PTPRM: variants seen among roughly 807,000 people sequenced by gnomAD.
The protein encoded by PTPRM is receptor-type tyrosine-protein phosphatase mu.
A neutral mutation model predicts 186.7 loss-of-function variants in PTPRM; 47 were observed. The observed-to-expected ratio is 0.25, with a 90% confidence interval of 0.20 to 0.32. The LOEUF (loss-of-function observed/expected upper bound fraction) is 0.32, where lower values mean the gene tolerates loss of function less well. Among genes scored for constraint, PTPRM ranks in the 10% least tolerant of loss-of-function variants. The pLI, the probability that PTPRM is intolerant of heterozygous loss-of-function variation, is 1.00. For synonymous variants in PTPRM, 668 were observed against 674.9 expected (o/e 0.99, Z 0.16); for missense variants, 1,494 against 1,865.0 (o/e 0.80, Z 3.66).
At chr18:7,810,503 T>C (rs1441182765) in intron 2 of PTPRM, among the ~76,000 whole-genome samples, 2 of 152,112 alleles carry the variant, frequency 1.3e-5, no homozygotes, top group African/African-American at 4.8e-5. Flanking sequence ...TTGTAAGCAG[T>C]GGATGTATGC....
In PTPRM at chr18:7,820,656, A is replaced by G. The variant is rs76391336; in HGVS notation, c.196+46385A>G. Among the ~76,000 whole-genome samples the G allele has an allele frequency of 2.3e-3, 343 of 152,036 alleles. 3 individuals are homozygous for G. Among genetic ancestry groups the G allele is most frequent in the Non-Finnish European group, 3.4e-3 (234 of 67,976 alleles). ...AGAGCCTCGCCTCTTCAGTTCAGAAATGTTTCCCTGGAAGGTTCCAGGCCT... is the reference window on the plus strand; with the variant it reads ...AGAGCCTCGCCTCTTCAGTTCAGAAGTGTTTCCCTGGAAGGTTCCAGGCCT... On this transcript the variant is annotated intron_variant, in intron 2 of 32. Transcript: ENST00000580170.
chr18:7,669,145 G>A (rs1045583712), intron 1 of PTPRM, among the ~76,000 whole-genome samples: 2 of 152,088 alleles, frequency 1.3e-5, no homozygotes, highest in African/African-American at 4.8e-5. Context: ...ACCTAGGAAA[G>A]AAAGGGCAGG....
At chr18:7,862,306 T>C (rs1292106952) in intron 2 of PTPRM, among the ~76,000 whole-genome samples, 1 of 152,206 alleles carries the variant, frequency 6.6e-6, no homozygotes. Context: ...ATGTAACATG[T>C]TGATGTGAAG....
intron 19 of PTPRM, among the ~76,000 whole-genome samples, chr18:8,253,793 G>A (rs562575440): frequency 6.6e-5 from 10 of 152,290 alleles, no homozygotes; most frequent in African/African-American, 2.2e-4. Flanking sequence ...AGTAAAACTT[G>A]TTACCAAGAA....
chr18:7,907,013 A>T (rs961286386), intron 4 of PTPRM, among the ~76,000 whole-genome samples: 2 of 152,142 alleles, frequency 1.3e-5, no homozygotes, highest in Non-Finnish European at 2.9e-5. Context: ...CAGGCCTGGG[A>T]TCTGTCAAAT....
chr18:7,574,698 T>G (rs1232688619), intron 1 of PTPRM, among the ~76,000 whole-genome samples: 1 of 152,250 alleles, frequency 6.6e-6, no homozygotes, highest in East Asian at 1.9e-4. Context: ...TGTGAAACTT[T>G]GCCTTTGGCA....
intron 9 of PTPRM, among the ~76,000 whole-genome samples, chr18:8,083,541 C>T (rs1424434790): frequency 6.6e-6 from 1 of 152,098 alleles, no homozygotes; most frequent in African/African-American, 2.4e-5. Context: ...TGACAGTTCT[C>T]CTTATTTTAG....
intron 23 of PTPRM, among the ~76,000 whole-genome samples, chr18:8,343,949 C>T (rs2095489685): frequency 6.6e-6 from 1 of 152,156 alleles, no homozygotes; most frequent in African/African-American, 2.4e-5. Flanking sequence ...CTTAAATTGG[C>T]CTTTCCTGTG....
At chr18:8,118,687 C>G (rs1600669787) in intron 13 of PTPRM, among the ~76,000 whole-genome samples, 1 of 151,882 alleles carries the variant, frequency 6.6e-6, no homozygotes, top group East Asian at 1.9e-4. Flanking sequence ...TTAATCCCAG[C>G]TACTTTCAAG....
At chr18:7,949,146 G>C in intron 5 of PTPRM, 35 bp from the exon 6 acceptor site, 1 of 1,519,782 alleles carries the variant, frequency 6.6e-7, no homozygotes, top group Non-Finnish European at 9.1e-7. Context: ...AGCTTATATT[G>C]CTTCTTTTTG....
intron 14 of PTPRM, among the ~76,000 whole-genome samples, chr18:8,187,408 G>A (rs1219105895): frequency 2.6e-5 from 4 of 152,154 alleles, no homozygotes; most frequent in South Asian, 2.1e-4. Context: ...CTGGTAGAGC[G>A]GGCAAAGCCT....
At chr18:8,183,385 GA>G (rs2093602736) in intron 14 of PTPRM, among the ~76,000 whole-genome samples, 1 of 152,122 alleles carries the variant, frequency 6.6e-6, no homozygotes, top group Non-Finnish European at 1.5e-5. Flanking sequence ...TCAATCGGGA[GA>G]GACAAAAAAG....
At chr18:7,574,507 C>T (rs1181977080) in intron 1 of PTPRM, among the ~76,000 whole-genome samples, 4 of 152,152 alleles carry the variant, frequency 2.6e-5, no homozygotes, top group Non-Finnish European at 4.4e-5. Context: ...TGAGCACTTA[C>T]ATTTGTACGG....
At chr18:7,641,138 T>A (rs998981607) in intron 1 of PTPRM, among the ~76,000 whole-genome samples, 10 of 152,192 alleles carry the variant, frequency 6.6e-5, no homozygotes, top group African/African-American at 2.4e-4. Context: ...GACCTGGCTG[T>A]GTGTCCTACT....
chr18:7,766,834 G>A lies in PTPRM; in HGVS notation c.74-7315G>A, dbSNP rs546774219. 2.0e-5 allele frequency among the ~76,000 whole-genome samples: 3 copies of A among 152,300 alleles called. No homozygotes were observed. In the South Asian group the frequency reaches 6.2e-4, roughly 32 times the overall value. ...AAATGAAAAAGATTTAGAGCTAAGA[G>A]GTGTAATACCTTGATAACTAGTACA... On this transcript the variant is annotated intron_variant, in intron 1 of 32. Coordinates refer to ENST00000580170, the MANE Select transcript of PTPRM (RefSeq NM_001105244.2).
intron 27 of PTPRM, among the ~76,000 whole-genome samples, 161 bp from the exon 28 acceptor site, chr18:8,379,006 A>G (rs1393965382): frequency 1.3e-5 from 2 of 151,738 alleles, no homozygotes; most frequent in African/African-American, 2.4e-5. Flanking sequence ...AAATCCAAGG[A>G]GCAAAAGAAA....
chr18:7,651,179 T>A (rs1034536222), intron 1 of PTPRM, among the ~76,000 whole-genome samples: 8 of 151,960 alleles, frequency 5.3e-5, no homozygotes, highest in African/African-American at 1.9e-4. Flanking sequence ...CGCCTCAGCC[T>A]CCAAAAATGC....
At chr18:7,709,408 G>T (rs1203981803) in intron 1 of PTPRM, among the ~76,000 whole-genome samples, 1 of 151,890 alleles carries the variant, frequency 6.6e-6, no homozygotes, top group Non-Finnish European at 1.5e-5. Flanking sequence ...CAGCAAAAGC[G>T]GTGCTAAGAG....
At chr18:7,816,880 G>A (rs991706163) in intron 2 of PTPRM, among the ~76,000 whole-genome samples, 23 of 151,976 alleles carry the variant, frequency 1.5e-4, no homozygotes, top group Admixed American at 5.2e-4. Flanking sequence ...TACTCAGGGC[G>A]GATAAATAAT....
Sources: gnomAD v4.1 joint callset for allele counts (sites outside exome capture counted in the v4.1 genomes callset) on GRCh38, gnomAD v4.1.1 for gene constraint, MANE v1.5 for transcripts, NCBI Gene and HGNC (gene_info 2026-07-23, HGNC 2026-07-21) for gene names.